The following PUM2 variants were observed in gnomAD, a reference collection of about 807,000 sequenced individuals.
The protein encoded by PUM2 is pumilio RNA binding family member 2.
In PUM2, 57 loss-of-function variants were observed where a neutral mutation model predicts 124.5. That is an observed-to-expected ratio of 0.46 (90% CI 0.37 to 0.57). The LOEUF (loss-of-function observed/expected upper bound fraction) is 0.57, where lower values mean the gene tolerates loss of function less well. Ranked by LOEUF, PUM2 falls within the 20% of genes least tolerant of loss-of-function variation. The pLI is 0.00. For synonymous variants in PUM2, 460 were observed against 446.1 expected (o/e 1.03, Z -0.39); for missense variants, 1,065 against 1,290.6 (o/e 0.83, Z 2.68).
intron 1 of PUM2, among the ~76,000 whole-genome samples, chr2:20,345,087 TTC>T (rs1424906462): frequency 6.7e-6 from 1 of 149,798 alleles, no homozygotes; most frequent in Non-Finnish European, 1.5e-5. Context: ...CAGCACTTTT[TTC>T]TTTTTTTTTT....
intron 16 of PUM2, among the ~76,000 whole-genome samples, chr2:20,256,438 T>G (rs1664777078): frequency 6.6e-6 from 1 of 152,204 alleles, no homozygotes; most frequent in Non-Finnish European, 1.5e-5. Flanking sequence ...ATGTAAATGA[T>G]GTATGTTGAA....
In PUM2 at chr2:20,254,992, A is replaced by G; in HGVS notation, c.2749-8T>C. 1 of 1,602,714 alleles carries G rather than the reference A, an allele frequency of 6.2e-7. No individual in the cohort carries two copies. Among genetic ancestry groups the G allele is most frequent in the Non-Finnish European group, 8.5e-7 (1 of 1,175,614 alleles). On this transcript the variant is annotated splice_polypyrimidine_tract_variant and splice_region_variant and intron_variant, in intron 18 of 20. Transcript: ENST00000361078. ...ATAATTGCCATACTGATCCTAAGAC[A>G]GATATTTAAAAATTACTTTCCCTAA...
chr2:20,274,262 T>C (rs1421959683), intron 13 of PUM2, among the ~76,000 whole-genome samples: 1 of 152,172 alleles, frequency 6.6e-6, no homozygotes, highest in Non-Finnish European at 1.5e-5. Context: ...CTGTAACTGC[T>C]AAAGGATAAC....
At chr2:20,315,083 G>A (rs1200966078) in intron 3 of PUM2, among the ~76,000 whole-genome samples, 1 of 148,142 alleles carries the variant, frequency 6.8e-6, no homozygotes, top group South Asian at 2.1e-4. Context: ...TTTTTTGGTG[G>A]GAAGGTGCAG....
chr2:20,331,679 A>T (rs1188143191), intron 1 of PUM2: 3 of 152,124 alleles, frequency 2.0e-5, no homozygotes, highest in Non-Finnish European at 4.4e-5. Context: ...GTAGACATGA[A>T]TTTTTCTCAA....
intron 3 of PUM2, 91 bp from the exon 4 acceptor site, chr2:20,312,514 C>T: frequency 8.4e-7 from 1 of 1,185,608 alleles, no homozygotes. Context: ...GAAAAATCAG[C>T]ACATTGTTTT....
intron 12 of PUM2, among the ~76,000 whole-genome samples, chr2:20,279,706 T>C (rs7606633): frequency 0.83 from 126,560 of 152,124 alleles, 53,037 homozygotes; most frequent in East Asian, 0.94. Context: ...AAAATAAAGG[T>C]CATGTAGGCC....
intron 9 of PUM2, among the ~76,000 whole-genome samples, chr2:20,291,012 G>A (rs1673928827): frequency 6.6e-6 from 1 of 152,024 alleles, no homozygotes; most frequent in Non-Finnish European, 1.5e-5. Context: ...CAACATGGAG[G>A]TTACAGAAAA....
chr2:20,340,926 T>C (rs1687100301), intron 1 of PUM2, among the ~76,000 whole-genome samples: 1 of 152,178 alleles, frequency 6.6e-6, no homozygotes, highest in South Asian at 2.1e-4. Context: ...GTTGCAAAGA[T>C]TAAGTGAGGT....
Position 20,312,416 on chromosome 2 carries a change from T to C in PUM2, c.168A>G (p.Ser56=), listed in dbSNP as rs773821121. 5 of 1,612,784 alleles carry C rather than the reference T, an allele frequency of 3.1e-6. No individual in the cohort carries two copies. The highest frequency in any genetic ancestry group is 4.2e-6 in the Non-Finnish European group (5 of 1,179,372). ...RETAWGASHH[S]MSQPIMVQRR... ...TCTGTACCATAATAGGCTGGGACAT[T>C]GAATGGTCTGTTTGGAAGAAAAAAC... is the stretch of plus-strand genomic sequence containing the variant. The change falls in exon 4 of 21, where the codon TCA becomes TCG. Residue 56 remains serine (S), a synonymous_variant. Coordinates refer to ENST00000361078, the MANE Select transcript of PUM2 (RefSeq NM_015317.5).
At chr2:20,267,026 C>CTTTTTTTTTTTTTTTTTTTTTTTT (rs373222999) in intron 13 of PUM2, among the ~76,000 whole-genome samples, 1 of 142,812 alleles carries the variant, frequency 7.0e-6, no homozygotes, top group South Asian at 2.2e-4. Flanking sequence ...ATGCCTGTAA[C>CTTTTTTTTTTTTTTTTTTTTTTTT]TTTTTTTTTT....
intron 3 of PUM2, among the ~76,000 whole-genome samples, chr2:20,318,192 G>A (rs1016152364): frequency 2.0e-5 from 3 of 151,986 alleles, no homozygotes; most frequent in African/African-American, 7.3e-5. Flanking sequence ...AACCTCACCA[G>A]CATCTTATTT....
intron 7 of PUM2, among the ~76,000 whole-genome samples, chr2:20,305,469 A>AT (rs1330362811): frequency 6.8e-6 from 1 of 147,920 alleles, no homozygotes; most frequent in African/African-American, 2.5e-5. Flanking sequence ...CTTCGAAAAA[A>AT]AAAAAAAAAA....
intron 14 of PUM2, among the ~76,000 whole-genome samples, chr2:20,260,992 TA>T (rs1286942089): frequency 6.6e-6 from 1 of 152,152 alleles, no homozygotes; most frequent in Non-Finnish European, 1.5e-5. Context: ...CATAAGATTA[TA>T]ATGGAGATAA....
At chr2:20,335,402 A>T (rs1369828414) in intron 1 of PUM2, among the ~76,000 whole-genome samples, 3 of 152,268 alleles carry the variant, frequency 2.0e-5, no homozygotes, top group Non-Finnish European at 4.4e-5. Context: ...GACAAAAGTA[A>T]ATCTAAATCC....
intron 1 of PUM2, among the ~76,000 whole-genome samples, chr2:20,335,471 T>A (rs755627342): frequency 6.6e-6 from 1 of 152,216 alleles, no homozygotes; most frequent in African/African-American, 2.4e-5. Flanking sequence ...GTTTCTACTA[T>A]TCAAACCAAC....
chr2:20,278,341 C>T (rs1412915546), intron 13 of PUM2, among the ~76,000 whole-genome samples: 1 of 151,888 alleles, frequency 6.6e-6, no homozygotes, highest in African/African-American at 2.4e-5. Context: ...AGAAAAAACA[C>T]ACCATTATAT....
At chr2:20,280,399 TG>T (rs1247889034) in intron 12 of PUM2, among the ~76,000 whole-genome samples, 3 of 152,180 alleles carry the variant, frequency 2.0e-5, no homozygotes, top group Non-Finnish European at 4.4e-5. Context: ...ATTCTTGAGT[TG>T]GTTTTGGTAA....
chr2:20,275,250 G>C (rs1669976147), intron 13 of PUM2, among the ~76,000 whole-genome samples: 1 of 151,892 alleles, frequency 6.6e-6, no homozygotes, highest in Non-Finnish European at 1.5e-5. Flanking sequence ...TAAAATTGAT[G>C]TCTTACACTG....
Sources: gnomAD v4.1 joint callset for allele counts (sites outside exome capture counted in the v4.1 genomes callset) on GRCh38, gnomAD v4.1.1 for gene constraint, MANE v1.5 for transcripts, NCBI Gene and HGNC (gene_info 2026-07-23, HGNC 2026-07-21) for gene names.